Variants in PTPRD observed in about 807,000 individuals in gnomAD.
PTPRD encodes the protein receptor-type tyrosine-protein phosphatase delta.
A neutral mutation model predicts 214.5 loss-of-function variants in PTPRD; 34 were observed. The observed-to-expected ratio is 0.16, with a 90% CI of 0.12 to 0.21. PTPRD has a LOEUF of 0.21. Among genes scored for constraint, PTPRD ranks in the 10% least tolerant of loss-of-function variants. The pLI is 1.00. For missense variants in PTPRD, 2,545 were observed against 2,398.7 expected (o/e 1.06, Z -1.27); for synonymous variants, 1,128 against 845.7 (o/e 1.33, Z -5.79).
At chr9:9,982,645 G>A (rs1040909190) in intron 4 of PTPRD, among the ~76,000 whole-genome samples, 1 of 151,902 alleles carries the variant, frequency 6.6e-6, no homozygotes, top group Non-Finnish European at 1.5e-5. Context: ...TATTATTAGA[G>A]GTTATGCAAG....
intron 8 of PTPRD, among the ~76,000 whole-genome samples, chr9:9,481,905 C>T (rs879919713): frequency 6.6e-6 from 1 of 151,942 alleles, no homozygotes; most frequent in Non-Finnish European, 1.5e-5. Context: ...TTTTATCTAA[C>T]CCAAAGAATC....
chr9:10,084,203 T>C lies in PTPRD; in HGVS notation c.-544-50413A>G, dbSNP rs115258206. On this transcript the variant is annotated intron_variant, in intron 3 of 45. Transcript: ENST00000381196. ...TTTTGTTAGAAAAAATGATGAGTGA[T>C]TATATGAGCTATAATATTTGTATGC... Among the ~76,000 whole-genome samples the C allele has an allele frequency of 5.7e-3, 868 of 152,098 alleles. 10 individuals are homozygous for C. The highest frequency in any genetic ancestry group is 0.02 in the African/African-American group (816 of 41,536).
intron 35 of PTPRD, among the ~76,000 whole-genome samples, chr9:8,420,803 C>CT (rs3835267): frequency 2.3e-3 from 259 of 111,442 alleles, no homozygotes; most frequent in South Asian, 6.4e-3. Flanking sequence ...GATCATTTTT[C>CT]TTTTTTTTTT....
At chr9:9,019,462 G>C (rs1177127277) in intron 10 of PTPRD, among the ~76,000 whole-genome samples, 1 of 152,126 alleles carries the variant, frequency 6.6e-6, no homozygotes, top group Non-Finnish European at 1.5e-5. Context: ...CCCAGGACTT[G>C]GGGAGGCCAA....
intron 3 of PTPRD, among the ~76,000 whole-genome samples, chr9:10,278,308 T>G (rs2094849413): frequency 6.6e-6 from 1 of 152,240 alleles, no homozygotes. Flanking sequence ...GGTAGACATA[T>G]GATAGTCTAT....
intron 8 of PTPRD, among the ~76,000 whole-genome samples, chr9:9,476,565 C>A (rs565702824): frequency 1.6e-4 from 24 of 152,160 alleles, no homozygotes; most frequent in African/African-American, 5.5e-4. Context: ...ACCAGAACAT[C>A]TTTATGTTTG....
chr9:9,707,787 G>A (rs1461851033), intron 7 of PTPRD, among the ~76,000 whole-genome samples: 1 of 151,666 alleles, frequency 6.6e-6, no homozygotes, highest in Non-Finnish European at 1.5e-5. Flanking sequence ...TATTCTATTG[G>A]CCTGCATTCT....
At chr9:9,627,679 G>T (rs961495902) in intron 7 of PTPRD, among the ~76,000 whole-genome samples, 5 of 152,030 alleles carry the variant, frequency 3.3e-5, no homozygotes, top group African/African-American at 1.2e-4. Context: ...ATAGGAGACA[G>T]TGGTAGAGAG....
intron 36 of PTPRD, among the ~76,000 whole-genome samples, chr9:8,395,353 C>A (rs1217846394): frequency 6.6e-6 from 1 of 152,032 alleles, no homozygotes; most frequent in Non-Finnish European, 1.5e-5. Flanking sequence ...GTTTACTTTG[C>A]AGTCTCCAGA....
At chr9:8,486,670 T>A (rs963063931) in intron 27 of PTPRD, among the ~76,000 whole-genome samples, 6 of 152,192 alleles carry the variant, frequency 3.9e-5, no homozygotes, top group Admixed American at 3.9e-4. Context: ...GATAAATTAA[T>A]TTGAGCAAAG....
At chr9:8,893,117 A>AT (rs1566869710) in intron 11 of PTPRD, among the ~76,000 whole-genome samples, 1 of 152,158 alleles carries the variant, frequency 6.6e-6, no homozygotes, top group Non-Finnish European at 1.5e-5. Flanking sequence ...AAAGGAAAAA[A>AT]ATATATATGA....
chr9:10,479,807 T>G (rs2099086249), intron 2 of PTPRD, among the ~76,000 whole-genome samples: 1 of 151,838 alleles, frequency 6.6e-6, no homozygotes, highest in South Asian at 2.1e-4. Flanking sequence ...GGCAACAGGG[T>G]GAGATCCCAT....
intron 11 of PTPRD, chr9:8,962,779 T>C (rs1056672867): frequency 6.6e-6 from 1 of 152,130 alleles, no homozygotes; most frequent in Non-Finnish European, 1.5e-5. Flanking sequence ...AACTGGTTAA[T>C]CTACATGTAT....
intron 10 of PTPRD, among the ~76,000 whole-genome samples, chr9:9,051,609 T>A (rs7039685): frequency 0.081 from 12,374 of 152,204 alleles, 905 homozygotes; most frequent in African/African-American, 0.2. Flanking sequence ...CATTTTAAAT[T>A]CATATGCCTA....
intron 2 of PTPRD, among the ~76,000 whole-genome samples, chr9:10,434,934 G>A (rs2098707509): frequency 6.6e-6 from 1 of 151,830 alleles, no homozygotes; most frequent in Non-Finnish European, 1.5e-5. Flanking sequence ...CATGCACTGA[G>A]TGAGGTACAA....
At chr9:9,955,429 C>T (rs753595149) in intron 4 of PTPRD, among the ~76,000 whole-genome samples, 3 of 151,746 alleles carry the variant, frequency 2.0e-5, no homozygotes, top group East Asian at 1.9e-4. Flanking sequence ...GTCTTCTTAC[C>T]GTTTGTTATA....
At chr9:9,505,642 G>T (rs1416097125) in intron 8 of PTPRD, among the ~76,000 whole-genome samples, 1 of 151,398 alleles carries the variant, frequency 6.6e-6, no homozygotes, top group East Asian at 1.9e-4. Flanking sequence ...TAGGTGGCAA[G>T]GTTTCATCTA....
At chr9:10,126,422 TATATACACACAC>T (rs1220555376) in intron 3 of PTPRD, among the ~76,000 whole-genome samples, 2 of 47,128 alleles carry the variant, frequency 4.2e-5, no homozygotes, top group South Asian at 9.1e-4. Context: ...TACTGTTTTA[TATATACACACAC>T]ACACACACAC....
chr9:10,417,075 C>G (rs965525452), intron 2 of PTPRD, among the ~76,000 whole-genome samples: 2 of 151,760 alleles, frequency 1.3e-5, no homozygotes, highest in African/African-American at 4.8e-5. Context: ...GTGAAGACAA[C>G]AAACTGTGGG....
Sources: gnomAD v4.1 joint callset for allele counts (sites outside exome capture counted in the v4.1 genomes callset) on GRCh38, gnomAD v4.1.1 for gene constraint, MANE v1.5 for transcripts, NCBI Gene and HGNC (gene_info 2026-07-23, HGNC 2026-07-21) for gene names.